The following OR11A1 variants were observed in gnomAD, a reference collection of about 807,000 sequenced individuals.
OR11A1 encodes olfactory receptor family 11 subfamily A member 1, also known as olfactory receptor 11A1.
For missense variants in OR11A1, 380 were observed against 378.2 expected (o/e 1.00, Z -0.04); for synonymous variants, 158 against 152.2 (o/e 1.04, Z -0.28).
chr6:29,434,064 A>G (rs2107187), intron 1 of OR11A1, among the ~76,000 whole-genome samples: 2,941 of 152,172 alleles, frequency 0.019, 58 homozygotes, highest in East Asian at 0.087. Flanking sequence ...ATATAGCTTG[A>G]ATTTTAGCCA....
rs17184016 is a variant in OR11A1 at position 29,440,184 on chromosome 6, C to T, written c.-388-8197G>A. 1.5e-3 allele frequency: 2,488 copies of T among 1,613,790 alleles called. 13 individuals carry two copies. Among genetic ancestry groups the T allele is most frequent in the Admixed American group, 4.9e-3 (294 of 60,026 alleles). ...CTCCACTGATGCTGCCCTCCAGTCC[C>T]CTATGTACTTCTTCCTGCGCACCCT... is the stretch of plus-strand genomic sequence containing the variant. On this transcript the variant is annotated intron_variant, in intron 1 of 4. Transcript: ENST00000377149.
At chr6:29,428,481 C>T (rs1044804356) in intron 4 of OR11A1, 3 of 824,642 alleles carry the variant, frequency 3.6e-6, no homozygotes, top group Non-Finnish European at 4.4e-6. Context: ...GGAGGCCGGG[C>T]TTGGTGGCTC....
rs180957778 is a variant in OR11A1, at chr6:29,443,599, G to A, written c.-388-11612C>T. ...GTTTCCAGTTTTTGGTTCATAGAAT[G>A]AAGGTTCTATGAACATTTGTGTACA... On this transcript the variant is annotated intron_variant, in intron 1 of 4. Transcript: ENST00000377149. Among the ~76,000 whole-genome samples the A allele has an allele frequency of 8.1e-3, 1,217 of 151,042 alleles. 14 individuals are homozygous for A. The highest frequency in any genetic ancestry group is 0.025 in the East Asian group (131 of 5,140).
At chr6:29,452,626 A>G (rs1785545680) in intron 1 of OR11A1, among the ~76,000 whole-genome samples, 1 of 149,246 alleles carries the variant, frequency 6.7e-6, no homozygotes, top group Admixed American at 6.8e-5. Flanking sequence ...ATGTGAAGAG[A>G]AAAAAAATCT....
chr6:29,445,606 C>A (rs1434433301), intron 1 of OR11A1, among the ~76,000 whole-genome samples: 4 of 152,216 alleles, frequency 2.6e-5, no homozygotes, highest in Non-Finnish European at 5.9e-5. Context: ...TCAGCTCCTC[C>A]TGTGGCAGCA....
At chr6:29,437,820 C>G (rs1378529653) in intron 1 of OR11A1, among the ~76,000 whole-genome samples, 1 of 152,216 alleles carries the variant, frequency 6.6e-6, no homozygotes, top group East Asian at 1.9e-4. Flanking sequence ...GCATCATCTT[C>G]AGCCATAACA....
In OR11A1 at chr6:29,425,702, G is replaced by C. The variant is rs902956551; in HGVS notation, c.*992C>G. On this transcript the variant is annotated 3_prime_UTR_variant, in exon 5 of 5. Transcript: ENST00000377149. ...TTAGCAAAATGTTGATGTTGAAGCT[G>C]GATGGTGGCTACATGGAGTACATGG... 1 of 152,146 alleles carries C rather than the reference G, an allele frequency of 6.6e-6. No homozygotes were observed. Among genetic ancestry groups the C allele is most frequent in the African/African-American group, 2.4e-5 (1 of 41,428 alleles). The allele number at this position is 152,146 out of a possible 1,614,324, so 9.4% of individuals were successfully genotyped here.
intron 1 of OR11A1, among the ~76,000 whole-genome samples, chr6:29,442,091 C>G (rs535014354): frequency 1.5e-4 from 23 of 152,274 alleles, no homozygotes; most frequent in South Asian, 1.2e-3. Context: ...TTTTTGTTAG[C>G]AAGTCAGACA....
intron 1 of OR11A1, among the ~76,000 whole-genome samples, chr6:29,432,294 C>T (rs1191983989): frequency 6.6e-6 from 1 of 152,116 alleles, no homozygotes; most frequent in Non-Finnish European, 1.5e-5. Flanking sequence ...GGAGCAGAAA[C>T]CAAAAGAGCC....
chr6:29,442,940 T>C (rs988073496), intron 1 of OR11A1, among the ~76,000 whole-genome samples: 44 of 152,352 alleles, frequency 2.9e-4, no homozygotes, highest in African/African-American at 1.0e-3. Context: ...CATCAACTCA[T>C]CTTTCCTAGA....
intron 1 of OR11A1, among the ~76,000 whole-genome samples, chr6:29,447,701 T>A (rs1276659403): frequency 6.6e-6 from 1 of 152,240 alleles, no homozygotes; most frequent in African/African-American, 2.4e-5. Context: ...TGTAGAGTTA[T>A]TCTTCTGTAT....
chr6:29,442,315 A>G (rs974251833), intron 1 of OR11A1, among the ~76,000 whole-genome samples: 1 of 152,216 alleles, frequency 6.6e-6, no homozygotes, highest in African/African-American at 2.4e-5. Flanking sequence ...AAGGGCTATG[A>G]TATGCAGGAG....
Position 29,430,344 on chromosome 6 carries a change from C to T in OR11A1, c.-183G>A, listed in dbSNP as rs115036815. On this transcript the variant is annotated 5_prime_UTR_variant, in exon 3 of 5. Coordinates refer to ENST00000377149, the MANE Select transcript of OR11A1 (RefSeq NM_001394828.1). ...TTTCCTTGTGAGTGAATCTGGCACT[C>T]CCTATGTGGGCCATCTTTAACTCTA... is the stretch of plus-strand genomic sequence containing the variant. The T allele has an allele frequency of 1.7e-3, 1,637 of 985,390 alleles. 22 individuals are homozygous for T. The African/African-American group carries it at 0.024, about 15-fold the overall frequency. 61.0% of individuals were successfully genotyped at this position (985,390 alleles called of 1,614,324 possible).
At chr6:29,450,474 G>A (rs1209859163) in intron 1 of OR11A1, 1 of 152,128 alleles carries the variant, frequency 6.6e-6, no homozygotes, top group Admixed American at 6.5e-5. Context: ...ATATTTTATT[G>A]GAATCTTAAA....
chr6:29,440,286 A>T (rs552693542), intron 1 of OR11A1: 1 of 1,613,864 alleles, frequency 6.2e-7, no homozygotes. Context: ...CCGGCGCCAC[A>T]TCTCTCGCTC....
intron 1 of OR11A1, among the ~76,000 whole-genome samples, chr6:29,441,882 A>C (rs1784227372): frequency 1.3e-5 from 2 of 152,286 alleles, no homozygotes; most frequent in South Asian, 4.1e-4. Context: ...AATGACCTCC[A>C]GTTCCATCCA....
At chr6:29,445,944 A>T (rs1199612078) in intron 1 of OR11A1, among the ~76,000 whole-genome samples, 3 of 152,132 alleles carry the variant, frequency 2.0e-5, no homozygotes, top group Non-Finnish European at 4.4e-5. Flanking sequence ...GCCACCAAGA[A>T]ACAGGGGCTC....
intron 4 of OR11A1, 30 bp downstream of exon 4, chr6:29,428,883 T>A: frequency 1.1e-6 from 1 of 889,700 alleles, no homozygotes; most frequent in Non-Finnish European, 1.3e-6. Context: ...GCATGACACT[T>A]CTAAATATCT....
chr6:29,428,110 G>T, intron 4 of OR11A1: 1 of 461,796 alleles, frequency 2.2e-6, no homozygotes, highest in Non-Finnish European at 2.9e-6. Flanking sequence ...ATTCCTCTAT[G>T]AGTGGTTTGA....
Sources: allele counts gnomAD v4.1 joint callset (sites outside exome capture counted in the v4.1 genomes callset), GRCh38; gene constraint gnomAD v4.1.1; transcripts MANE v1.5; gene names NCBI Gene and HGNC (gene_info 2026-07-23, HGNC 2026-07-21).